Variants in CHERP observed in about 807,000 individuals in gnomAD.
CHERP encodes calcium homeostasis endoplasmic reticulum protein, also known as ERPROT 213-21.
In CHERP, 8 loss-of-function variants were observed where a neutral mutation model predicts 113.8. The ratio of observed to expected loss-of-function variants is 0.07; its 90% CI spans 0.04 to 0.13. The LOEUF (loss-of-function observed/expected upper bound fraction) is 0.13, where lower values mean the gene tolerates loss of function less well. Among genes scored for constraint, CHERP ranks in the 10% least tolerant of loss-of-function variants. The probability of loss-of-function intolerance (pLI) is 1.00; values close to 1 mark genes in which losing one functional copy is unlikely to be tolerated. For synonymous variants in CHERP, 559 were observed against 524.5 expected (o/e 1.07, Z -0.90); for missense variants, 884 against 1,298.2 (o/e 0.68, Z 4.90).
At chr19:16,533,687 G>A (rs1470669922) in intron 3 of CHERP, among the ~76,000 whole-genome samples, 1 of 152,020 alleles carries the variant, frequency 6.6e-6, no homozygotes, top group East Asian at 1.9e-4. Flanking sequence ...TGGAACCCAG[G>A]AGTTCAAAGT....
At chr19:16,529,335 G>A (rs763948004) in intron 8 of CHERP, among the ~76,000 whole-genome samples, 11 of 152,182 alleles carry the variant, frequency 7.2e-5, no homozygotes, top group South Asian at 2.1e-4. Flanking sequence ...TTTTCAGTCT[G>A]TGCATTGTCC....
chr19:16,536,640 C>T (rs2085743179), intron 2 of CHERP, among the ~76,000 whole-genome samples: 1 of 152,200 alleles, frequency 6.6e-6, no homozygotes, highest in Non-Finnish European at 1.5e-5. Context: ...CTCCCACTGT[C>T]TGAGGGACAC....
At position 16,530,650 on chromosome 19, in the gene CHERP, C is replaced by T. The variant is rs1280423038; in HGVS notation, c.811G>A (p.Gly271Ser). The T allele has an allele frequency of 5.0e-6, 8 of 1,614,054 alleles. No homozygotes were observed. Among genetic ancestry groups the T allele is most frequent in the South Asian group, 3.3e-5 (3 of 91,080 alleles). Residue 271 changes from glycine to serine, a missense_variant, in exon 7 of 17, where the codon GGC becomes AGC. By Grantham distance (56) the Gly-to-Ser change is moderately conservative (BLOSUM62 0). This residue lies in a region of CHERP where 73 missense variants were observed against 182.4 expected (regional missense o/e 0.40). Coordinates refer to ENST00000546361, the MANE Select transcript of CHERP (RefSeq NM_006387.6). This position sits in a 1 kb window ranked among gnomAD's most constrained non-coding sequence, Gnocchi z 4.1. ...TGAATGATGGAGTCATCGAAGTAGC[C>T]GTTTTTCTCCCAGAGCTGCAGGAGC... Reference protein sequence around the residue: ...ARLLQLWEKNGYFDDSIIQQL... With the variant: ...ARLLQLWEKNSYFDDSIIQQL...
intron 2 of CHERP, among the ~76,000 whole-genome samples, chr19:16,537,980 CCA>C (rs2085752649): frequency 2.6e-5 from 4 of 152,200 alleles, no homozygotes; most frequent in Admixed American, 2.0e-4. Flanking sequence ...TGGTCCTTCA[CCA>C]CAGAGTTCGT....
rs750289385 is a variant in CHERP at position 16,520,236 on chromosome 19, C to T, written c.2375G>A (p.Ser792Asn). The T allele has an allele frequency of 3.1e-6, 5 of 1,613,294 alleles. No individual in the cohort carries two copies. The South Asian group carries it at 5.5e-5, about 18-fold the overall frequency. The change falls in exon 15 of 17, where the codon AGC becomes AAC. Residue 792 changes from serine to asparagine, a missense_variant. Physicochemically the swap from Ser to Asn is conservative, Grantham distance 46. Around this residue, in one of 8 missense-constraint regions of CHERP, gnomAD observed 159 missense variants for 185.8 expected, o/e 0.86. Transcript: ENST00000546361. The surrounding 1 kb of genome is among the most constrained non-coding windows in gnomAD (Gnocchi z 4.0). ...GGACCGCGACTGGGACCGGGAGCGGCTTCTGGAGGAGCGCGACCTGCTCCG... is the reference window on the plus strand; with the variant it reads ...GGACCGCGACTGGGACCGGGAGCGGTTTCTGGAGGAGCGCGACCTGCTCCG... The part of the protein sequence containing the change: ...RSRSRSRSSR[S>N]RSRSQSRSRS...
chr19:16,527,821 C>A (rs1391633974), intron 9 of CHERP, among the ~76,000 whole-genome samples: 1 of 152,236 alleles, frequency 6.6e-6, no homozygotes, highest in African/African-American at 2.4e-5. Flanking sequence ...CTCCCCTGCA[C>A]TCGCAGGACA....
chr19:16,521,205 G>C (rs994242122), intron 12 of CHERP: 5 of 579,368 alleles, frequency 8.6e-6, no homozygotes, highest in Non-Finnish European at 1.5e-5. Context: ...GGGTGGACAG[G>C]CCTGCAGCCC....
chr19:16,530,939 C>A lies in CHERP; in HGVS notation c.675-59G>T. ...CTGGGGCGGGACCCGGCCACGCGCC[C>A]GTTACCATCGCGGCTCCAGCCTCAG... On this transcript the variant is annotated intron_variant, in intron 5 of 16. Coordinates refer to ENST00000546361, the MANE Select transcript of CHERP (RefSeq NM_006387.6). The surrounding 1 kb of genome is among the most constrained non-coding windows in gnomAD (Gnocchi z 4.1). 6.3e-7 allele frequency: 1 copy of A among 1,585,130 alleles called. No individual in the cohort carries two copies. Among genetic ancestry groups the A allele is most frequent in the East Asian group, 2.3e-5 (1 of 43,796 alleles).
At position 16,520,053 on chromosome 19, in the gene CHERP, C is replaced by G; in HGVS notation, c.2462+96G>C. ...TCCCCGGGCTAATGCTGGCGGCCTC[C>G]TAACACAGTCTCCTAACCACCAATG... On this transcript the variant is annotated intron_variant, in intron 15 of 16. Transcript: ENST00000546361. This position sits in a 1 kb window ranked among gnomAD's most constrained non-coding sequence, Gnocchi z 4.0. The G allele has an allele frequency of 1.5e-6, 2 of 1,336,286 alleles. No individual in the cohort carries two copies. Among genetic ancestry groups the G allele is most frequent in the East Asian group, 2.3e-5 (1 of 43,420 alleles). 82.8% of individuals were successfully genotyped at this position (1,336,286 alleles called of 1,614,324 possible).
intron 3 of CHERP, among the ~76,000 whole-genome samples, chr19:16,534,932 C>G (rs12985684): frequency 6.6e-6 from 1 of 151,886 alleles, no homozygotes; most frequent in Non-Finnish European, 1.5e-5. Flanking sequence ...AAAAATTAGC[C>G]GGGTGTGGTG....
In CHERP at chr19:16,519,133, A is replaced by G. The variant is rs749596423; in HGVS notation, c.*26T>C. ...GGTCCCACAGCCGGCACCGCTGGCCACCGGCGCGGCTCCCGGCATGGGCGC... is the reference window on the plus strand; with the variant it reads ...GGTCCCACAGCCGGCACCGCTGGCCGCCGGCGCGGCTCCCGGCATGGGCGC... On this transcript the variant is annotated 3_prime_UTR_variant, in exon 17 of 17. Transcript: ENST00000546361. This position sits in a 1 kb window ranked among gnomAD's most constrained non-coding sequence, Gnocchi z 6.0. The G allele has an allele frequency of 2.0e-5, 32 of 1,600,228 alleles. No homozygotes were observed. Among genetic ancestry groups the G allele is most frequent in the Non-Finnish European group, 2.6e-5 (30 of 1,173,682 alleles).
intron 2 of CHERP, chr19:16,540,003 C>T (rs1568265576): frequency 6.6e-6 from 1 of 152,172 alleles, no homozygotes; most frequent in African/African-American, 2.4e-5. Context: ...CATAAACTCT[C>T]TCTCTGTTTC....
rs1222414430 is a variant in CHERP at position 16,525,630 on chromosome 19, G to A, written c.1353C>T (p.His451=). 5 of 1,531,438 alleles carry A rather than the reference G, an allele frequency of 3.3e-6. No homozygotes were observed. Among genetic ancestry groups the A allele is most frequent in the Non-Finnish European group, 4.4e-6 (5 of 1,141,750 alleles). The allele number at this position is 1,531,438 out of a possible 1,614,324, so 94.9% of individuals were successfully genotyped here. A position where few individuals can be genotyped will look rare whatever the true frequency, so the allele number is the denominator to read the frequency against. The change falls in exon 10 of 17, where the codon CAC becomes CAT. Residue 451 remains histidine, a synonymous_variant. Coordinates refer to ENST00000546361, the MANE Select transcript of CHERP (RefSeq NM_006387.6). The surrounding 1 kb of genome is among the most constrained non-coding windows in gnomAD (Gnocchi z 6.5). The part of the protein sequence containing the change: ...PYPHHQGGPP[H]CPPWNNSHEG... The stretch of plus-strand genomic sequence containing the variant: ...CATGGCTGTTGTTCCAGGGGGGGCA[G>A]TGGGGTGGGCCGCCCTGGTGGTGCG...
Position 16,535,416 on chromosome 19 carries a change from T to TG in CHERP, c.384+35dup, listed in dbSNP as rs1017975153. On this transcript the variant is annotated intron_variant, in intron 3 of 16. Coordinates refer to ENST00000546361, the MANE Select transcript of CHERP (RefSeq NM_006387.6). This position sits in a 1 kb window ranked among gnomAD's most constrained non-coding sequence, Gnocchi z 4.3. Reference sequence around the variant, plus strand: ...CGCAAAAACAGAGGCACAGGGGAGCTGCTGGTGTCTGGCCGAGGAGGCGGC... The same window carrying TG: ...CGCAAAAACAGAGGCACAGGGGAGCTGGCTGGTGTCTGGCCGAGGAGGCGGC... 5.7e-6 allele frequency: 9 copies of TG among 1,592,778 alleles called. No individual in the cohort carries two copies. The African/African-American group carries it at 1.2e-4, about 21-fold the overall frequency.
At position 16,523,182 on chromosome 19, in the gene CHERP, TG is replaced by T; in HGVS notation, c.1849del (p.His617MetfsTer38). 18 of 1,568,844 alleles carry T rather than the reference TG, an allele frequency of 1.1e-5. No individual in the cohort carries two copies. Among genetic ancestry groups the T allele is most frequent in the South Asian group, 4.6e-5 (4 of 87,008 alleles). The stretch of plus-strand genomic sequence containing the variant: ...GTGTGGGGGCTGCCCGTTGAAGCCA[TG>T]GGGGGGAGGGCCGAAGTCAGGGTGC... ...PQHPDFGPPPHGFNGQPPHMR... is the reference protein window; with the variant it reads ...PQHPDFGPPPXGFNGQPPHMR... On this transcript the variant is annotated frameshift_variant, in exon 11 of 17. Transcript: ENST00000546361. LOFTEE classifies it high-confidence loss of function. The surrounding 1 kb of genome is among the most constrained non-coding windows in gnomAD (Gnocchi z 4.0).
rs751992612 is a variant in CHERP, at chr19:16,530,308, C to T, written c.876+277G>A. Among the ~76,000 whole-genome samples the T allele has an allele frequency of 3.9e-5, 6 of 152,184 alleles. No individual in the cohort carries two copies. The highest frequency in any genetic ancestry group is 7.2e-5 in the African/African-American group (3 of 41,450). ...GGGCTTCCTCATGCTTCCACCACAC[C>T]GGAACATGCCTGACCACCAGAGCAA... On this transcript the variant is annotated intron_variant, in intron 7 of 16. Coordinates refer to ENST00000546361, the MANE Select transcript of CHERP (RefSeq NM_006387.6). The surrounding 1 kb of genome is among the most constrained non-coding windows in gnomAD (Gnocchi z 4.1).
In CHERP at chr19:16,518,993, G is replaced by A. The variant is rs528353360; in HGVS notation, c.*166C>T. ...CCGTGCCCTCCACGCCATGGAGCAC[G>A]GCGTTCCCACTGGGCATGCGCTGGT... On this transcript the variant is annotated 3_prime_UTR_variant, in exon 17 of 17. Transcript: ENST00000546361. 2.1e-4 allele frequency: 139 copies of A among 677,662 alleles called. 1 individual carries two copies. The East Asian group carries it at 3.2e-3, about 16-fold the overall frequency. 42.0% of individuals were successfully genotyped at this position (677,662 alleles called of 1,614,324 possible). A position where few individuals can be genotyped will look rare whatever the true frequency, so the allele number is the denominator to read the frequency against.
In CHERP at chr19:16,529,567, A is replaced by C. The variant is rs2085682540; in HGVS notation, c.1129+81T>G. Reference sequence around the variant, plus strand: ...AACAAGAACTGAGTCTGAGGGTGGCAGACTGCTTTCTGACTACACTCGGTG... The same window carrying C: ...AACAAGAACTGAGTCTGAGGGTGGCCGACTGCTTTCTGACTACACTCGGTG... On this transcript the variant is annotated intron_variant, in intron 8 of 16. Transcript: ENST00000546361. 9.5e-6 allele frequency: 14 copies of C among 1,470,290 alleles called. No individual in the cohort carries two copies. The Admixed American group carries it at 2.6e-4, about 28-fold the overall frequency. 91.1% of individuals were successfully genotyped at this position (1,470,290 alleles called of 1,614,324 possible).
intron 2 of CHERP, among the ~76,000 whole-genome samples, chr19:16,538,155 GACTCCTCCCCAAGCCAGGCCTCCA>G (rs1219082099): frequency 2.0e-5 from 3 of 151,578 alleles, no homozygotes; most frequent in African/African-American, 4.9e-5. Context: ...CCAGGTCCCC[GACTCCTCCCCAAGCCAGGCCTCCA>G]ACTCCTCCCC....
Sources: allele counts gnomAD v4.1 joint callset (sites outside exome capture counted in the v4.1 genomes callset), GRCh38; gene constraint gnomAD v4.1.1; regional missense constraint gnomAD v4.1.1; non-coding constraint Gnocchi (gnomAD v3.1); transcripts MANE v1.5; gene names NCBI Gene and HGNC (gene_info 2026-07-23, HGNC 2026-07-21).